The following ALDH1A1 variants were observed in gnomAD, a reference collection of about 807,000 sequenced individuals.
ALDH1A1 encodes the protein aldehyde dehydrogenase 1 family member A1, also known as aldehyde dehydrogenase 1A1.
In ALDH1A1, 19 loss-of-function variants were observed where a neutral mutation model predicts 62.1. The ratio of observed to expected loss-of-function variants is 0.31; its 90% CI spans 0.21 to 0.45. The LOEUF (loss-of-function observed/expected upper bound fraction) is 0.45. ALDH1A1 is among the 20% of genes least tolerant of loss of function. ALDH1A1 has a pLI of 1.00. For missense variants in ALDH1A1, 521 were observed against 607.1 expected, an observed-to-expected ratio of 0.86 and a Z score of 1.49; for synonymous variants, 231 against 215.9, an observed-to-expected ratio of 1.07 and a Z score of -0.61.
rs181429174 is a variant in ALDH1A1 at position 72,948,914 on chromosome 9, C to T, written c.66+4021G>A. Among the ~76,000 whole-genome samples the T allele has an allele frequency of 3.9e-5, 6 of 151,938 alleles. No homozygotes were observed. The South Asian group carries it at 8.3e-4, about 21-fold the overall frequency. ...AGGAGGTATTTGGAAGTTCATGTAG[C>T]TGAATTTGTTTGTTGTAAGAATTTA... On this transcript the variant is annotated intron_variant, in intron 1 of 12. Transcript: ENST00000297785.
chr9:72,918,316 G>A (rs143695851), intron 8 of ALDH1A1, among the ~76,000 whole-genome samples: 35 of 152,254 alleles, frequency 2.3e-4, no homozygotes, highest in African/African-American at 7.5e-4. Flanking sequence ...CAGAGTGAAG[G>A]GAGAGGGCAA....
rs969200353 is a variant in ALDH1A1, at chr9:72,940,132, G to A, written c.171+16C>T. 1.3e-6 allele frequency: 2 copies of A among 1,577,970 alleles called. No homozygotes were observed. The highest frequency in any genetic ancestry group is 1.7e-4 in the Middle Eastern group (1 of 5,986). On this transcript the variant is annotated intron_variant, in intron 2 of 12. Coordinates refer to ENST00000297785, the MANE Select transcript of ALDH1A1 (RefSeq NM_000689.5). ...AGAAACCTGGCATAAAATGAAACTA[G>A]TGTTCAGAAACTCACCTTATCTCCT...
intron 11 of ALDH1A1, among the ~76,000 whole-genome samples, chr9:72,906,958 C>A (rs1339697269): frequency 2.6e-5 from 4 of 152,042 alleles, no homozygotes; most frequent in African/African-American, 7.2e-5. Flanking sequence ...GGCAACATAG[C>A]AAACCCTTGC....
At chr9:72,914,020 GA>G (rs749834780) in intron 9 of ALDH1A1, among the ~76,000 whole-genome samples, 5 of 152,174 alleles carry the variant, frequency 3.3e-5, no homozygotes, top group Non-Finnish European at 5.9e-5. Flanking sequence ...GGACACCTGG[GA>G]CTGTCCAATA....
At chr9:72,937,376 A>G (rs995553776) in intron 2 of ALDH1A1, among the ~76,000 whole-genome samples, 1 of 152,196 alleles carries the variant, frequency 6.6e-6, no homozygotes, top group Admixed American at 6.5e-5. Context: ...ACAATGTCCT[A>G]TAACCACACA....
At chr9:72,950,493 C>T (rs1483436320) in intron 1 of ALDH1A1, among the ~76,000 whole-genome samples, 1 of 151,860 alleles carries the variant, frequency 6.6e-6, no homozygotes, top group Non-Finnish European at 1.5e-5. Context: ...ATTTCTTAAA[C>T]TCTGATCTCT....
intron 1 of ALDH1A1, among the ~76,000 whole-genome samples, chr9:72,949,838 A>T (rs572155038): frequency 9.3e-6 from 1 of 107,214 alleles, no homozygotes. Flanking sequence ...TTTCCCTTTT[A>T]TAAAAAAAAA....
chr9:72,914,994 T>C (rs897411881), intron 9 of ALDH1A1, among the ~76,000 whole-genome samples: 19 of 152,078 alleles, frequency 1.2e-4, no homozygotes, highest in African/African-American at 4.6e-4. Context: ...CTCCTAACAA[T>C]AGATGAATAT....
chr9:72,912,908 AT>A (rs1830009662), intron 9 of ALDH1A1, among the ~76,000 whole-genome samples: 1 of 152,296 alleles, frequency 6.6e-6, no homozygotes. Context: ...TCTGGGGCTA[AT>A]TTTTGTCTCA....
intron 6 of ALDH1A1, among the ~76,000 whole-genome samples, chr9:72,924,951 T>C (rs1157804996): frequency 6.6e-6 from 1 of 152,198 alleles, no homozygotes; most frequent in Non-Finnish European, 1.5e-5. Context: ...TTACTGTTTT[T>C]GAACAGGAAG....
In ALDH1A1 at chr9:72,948,785, C is replaced by T. The variant is rs527999287; in HGVS notation, c.66+4150G>A. On this transcript the variant is annotated intron_variant, in intron 1 of 12. Transcript: ENST00000297785. ...GTGAATCATATTAGCCCTCTTATATCATGAGAACTAGCATAGGGCACTCAT... is the reference window on the plus strand; with the variant it reads ...GTGAATCATATTAGCCCTCTTATATTATGAGAACTAGCATAGGGCACTCAT... Among the ~76,000 whole-genome samples, 6 of 151,908 alleles carry T rather than the reference C, an allele frequency of 3.9e-5. No homozygotes were observed. In the South Asian group the frequency reaches 1.0e-3, roughly 26 times the overall value.
intron 2 of ALDH1A1, among the ~76,000 whole-genome samples, chr9:72,935,496 T>G (rs1830336656): frequency 6.6e-6 from 1 of 152,174 alleles, no homozygotes; most frequent in Non-Finnish European, 1.5e-5. Context: ...CATTCAGAGA[T>G]GGAGAAAATA....
At position 72,900,886 on chromosome 9, in the gene ALDH1A1, TC is replaced by T. The variant is rs2118464874; in HGVS notation, c.*321del. 5.0e-6 allele frequency: 1 copy of T among 201,356 alleles called. No individual in the cohort carries two copies. Among genetic ancestry groups the T allele is most frequent in the African/African-American group, 2.3e-5 (1 of 43,340 alleles). The allele number at this position is 201,356 out of a possible 1,614,324, so 12.5% of individuals were successfully genotyped here. On this transcript the variant is annotated 3_prime_UTR_variant, in exon 13 of 13. Transcript: ENST00000297785. ...AGGGAAAGAAGCTAAATGCAACTGT[TC>T]CTTTTCTATAAAATTATTATCCTGC...
At chr9:72,915,686 A>G (rs1183005241) in intron 9 of ALDH1A1, among the ~76,000 whole-genome samples, 1 of 152,200 alleles carries the variant, frequency 6.6e-6, no homozygotes, top group Non-Finnish European at 1.5e-5. Context: ...TACACTGCCT[A>G]AGTCCTAAGA....
At chr9:72,952,562 C>T (rs1830556303) in intron 1 of ALDH1A1, among the ~76,000 whole-genome samples, 1 of 151,738 alleles carries the variant, frequency 6.6e-6, no homozygotes, top group African/African-American at 2.4e-5. Flanking sequence ...TCTATTGTTC[C>T]TACTCGTTTG....
At chr9:72,922,011 C>G (rs1432973024) in intron 7 of ALDH1A1, among the ~76,000 whole-genome samples, 6 of 151,884 alleles carry the variant, frequency 4.0e-5, no homozygotes, top group Non-Finnish European at 8.8e-5. Flanking sequence ...TGAAAAGATA[C>G]ATGGAATAAT....
At chr9:72,927,482 G>A (rs983917176) in intron 4 of ALDH1A1, among the ~76,000 whole-genome samples, 11 of 152,140 alleles carry the variant, frequency 7.2e-5, no homozygotes, top group African/African-American at 1.7e-4. Context: ...AGGCAAAATT[G>A]GCAAAAATCT....
chr9:72,909,694 G>T lies in ALDH1A1; in HGVS notation c.1266C>A (p.Asn422Lys). 1 of 1,613,620 alleles carries T rather than the reference G, an allele frequency of 6.2e-7. No homozygotes were observed. Among genetic ancestry groups the T allele is most frequent in the Non-Finnish European group, 8.5e-7 (1 of 1,179,706 alleles). The change falls in exon 11 of 13, where the codon AAC becomes AAA. Residue 422 changes from asparagine to lysine, a missense_variant. Asn to Lys is a moderately conservative substitution (Grantham distance 94). Coordinates refer to ENST00000297785, the MANE Select transcript of ALDH1A1 (RefSeq NM_000689.5). Reference sequence around the variant, plus strand: ...CTGCTGATAAGCCATAGAAAGTATTGTTTGCTCTTTTGATCACGTCATCTA... The same window carrying T: ...CTGCTGATAAGCCATAGAAAGTATTTTTTGCTCTTTTGATCACGTCATCTA... ...KSLDDVIKRA[N>K]NTFYGLSAGV... is the part of the protein sequence containing the mutation.
At chr9:72,939,348 C>T (rs148079742) in intron 2 of ALDH1A1, among the ~76,000 whole-genome samples, 52 of 152,044 alleles carry the variant, frequency 3.4e-4, no homozygotes, top group Middle Eastern at 3.4e-3. Flanking sequence ...AAAATAACAA[C>T]GCTTGTAATT....
Sources: allele counts gnomAD v4.1 joint callset (sites outside exome capture counted in the v4.1 genomes callset), GRCh38; gene constraint gnomAD v4.1.1; transcripts MANE v1.5; gene names NCBI Gene and HGNC (gene_info 2026-07-23, HGNC 2026-07-21).